Variants in ARHGAP24 observed in about 807,000 individuals in gnomAD.
The protein encoded by ARHGAP24 is Rho GTPase activating protein 24.
A neutral mutation model predicts 76.4 loss-of-function variants in ARHGAP24; 50 were observed. The observed-to-expected ratio is 0.65, with a 90% CI of 0.52 to 0.83. ARHGAP24 has a LOEUF of 0.83. ARHGAP24 is among the 40% of genes least tolerant of loss of function. ARHGAP24 has a pLI of 0.00. For missense variants in ARHGAP24, 930 were observed against 914.2 expected, an observed-to-expected ratio of 1.02 and a Z score of -0.22; for synonymous variants, 345 against 323.3, an observed-to-expected ratio of 1.07 and a Z score of -0.72.
intron 1 of ARHGAP24, among the ~76,000 whole-genome samples, chr4:85,530,973 T>G (rs1725234385): frequency 6.6e-6 from 1 of 152,074 alleles, no homozygotes; most frequent in South Asian, 2.1e-4. Context: ...CTTATGCAGT[T>G]TGATATTATT....
At chr4:85,663,793 T>G (rs1722501087) in intron 2 of ARHGAP24, among the ~76,000 whole-genome samples, 1 of 151,764 alleles carries the variant, frequency 6.6e-6, no homozygotes, top group African/African-American at 2.4e-5. Context: ...GTTTTTGTCT[T>G]TGGTTCTGTT....
intron 2 of ARHGAP24, among the ~76,000 whole-genome samples, chr4:85,587,375 T>C (rs186149515): frequency 4.1e-4 from 63 of 152,322 alleles, no homozygotes; most frequent in African/African-American, 1.5e-3. Flanking sequence ...GTTGCCCCTG[T>C]GCTATAATAG....
At chr4:85,712,453 C>T (rs184029360) in intron 2 of ARHGAP24, among the ~76,000 whole-genome samples, 1 of 152,236 alleles carries the variant, frequency 6.6e-6, no homozygotes, top group Non-Finnish European at 1.5e-5. Context: ...ATTAGTTTCC[C>T]TTGGCTGTTG....
intron 1 of ARHGAP24, among the ~76,000 whole-genome samples, chr4:85,520,238 G>A (rs17010321): frequency 0.12 from 18,403 of 152,048 alleles, 3,131 homozygotes; most frequent in African/African-American, 0.38. Flanking sequence ...GTTGTCAGGG[G>A]GTTTTCAAAT....
chr4:85,793,611 C>T, intron 3 of ARHGAP24, among the ~76,000 whole-genome samples: 1 of 152,088 alleles, frequency 6.6e-6, no homozygotes, highest in East Asian at 1.9e-4. Flanking sequence ...AAAATGATGA[C>T]CCTCATTTTG....
At chr4:85,595,250 A>C (rs1719761801) in intron 2 of ARHGAP24, among the ~76,000 whole-genome samples, 2 of 152,252 alleles carry the variant, frequency 1.3e-5, no homozygotes, top group African/African-American at 4.8e-5. Context: ...CTTTCCATGC[A>C]GAGACCCAGT....
intron 3 of ARHGAP24, among the ~76,000 whole-genome samples, chr4:85,848,378 C>T (rs1432849882): frequency 9.2e-5 from 14 of 152,174 alleles, no homozygotes; most frequent in Admixed American, 9.2e-4. Flanking sequence ...GTTCCCCGCC[C>T]TGTGTCCAAG....
intron 3 of ARHGAP24, among the ~76,000 whole-genome samples, chr4:85,835,232 T>C (rs956128113): frequency 1.3e-5 from 2 of 151,732 alleles, no homozygotes; most frequent in Non-Finnish European, 2.9e-5. Context: ...ATTGCAAACC[T>C]AGTAACTCGC....
rs116229142 is a variant in ARHGAP24 at position 85,512,044 on chromosome 4, G to A, written c.-21+36485G>A. 2.7e-3 allele frequency among the ~76,000 whole-genome samples: 406 copies of A among 152,316 alleles called. 2 individuals carry two copies. The highest frequency in any genetic ancestry group is 9.0e-3 in the African/African-American group (376 of 41,560). ...GCCATTCTACTCCCTTATGGCATCC[G>A]TTTAACTATGTTTGCCACAAACCTG... On this transcript the variant is annotated intron_variant, in intron 1 of 9. Transcript: ENST00000395184.
At chr4:85,850,342 CTTCT>C (rs1209030959) in intron 3 of ARHGAP24, among the ~76,000 whole-genome samples, 1 of 151,954 alleles carries the variant, frequency 6.6e-6, no homozygotes, top group African/African-American at 2.4e-5. Flanking sequence ...TCTCTCTTTT[CTTCT>C]TTATTAGTCT....
chr4:85,481,345 C>T (rs958638484), intron 1 of ARHGAP24, among the ~76,000 whole-genome samples: 2 of 152,182 alleles, frequency 1.3e-5, no homozygotes, highest in African/African-American at 4.8e-5. Flanking sequence ...TCCCTTTCCT[C>T]TCAGTGCTTT....
intron 2 of ARHGAP24, among the ~76,000 whole-genome samples, chr4:85,603,472 A>G (rs1720099220): frequency 6.6e-6 from 1 of 152,232 alleles, no homozygotes; most frequent in South Asian, 2.1e-4. Context: ...GCATCCTTGT[A>G]AAGAAAATTT....
rs780134139 is a variant in ARHGAP24 at position 85,650,433 on chromosome 4, A to G, written c.181-71452A>G. Among the ~76,000 whole-genome samples the G allele has an allele frequency of 5.2e-4, 77 of 149,344 alleles. 3 individuals are homozygous for G. Among genetic ancestry groups the G allele is most frequent in the Non-Finnish European group, 1.0e-3 (68 of 68,000 alleles). ...CCCTAGGTTTATCACTAACCCAATG[A>G]CCTTGGCCAATAATCTTGTCTGAGC... On this transcript the variant is annotated intron_variant, in intron 2 of 9. Coordinates refer to ENST00000395184, the MANE Select transcript of ARHGAP24 (RefSeq NM_001025616.3).
intron 3 of ARHGAP24, among the ~76,000 whole-genome samples, chr4:85,850,085 T>A (rs1265989384): frequency 6.6e-6 from 1 of 152,194 alleles, no homozygotes; most frequent in Non-Finnish European, 1.5e-5. Context: ...TCCTGGACTT[T>A]TTTTGGTTGG....
chr4:85,872,043 A>G (rs993474162), intron 3 of ARHGAP24, among the ~76,000 whole-genome samples: 1 of 151,664 alleles, frequency 6.6e-6, no homozygotes, highest in African/African-American at 2.4e-5. Flanking sequence ...TCACTTATCA[A>G]TGTACCCACA....
intron 3 of ARHGAP24, among the ~76,000 whole-genome samples, chr4:85,895,675 C>A (rs1023187095): frequency 6.6e-6 from 1 of 151,916 alleles, no homozygotes; most frequent in Non-Finnish European, 1.5e-5. Context: ...TTTTTCTGTA[C>A]CCTTTTTGAA....
At chr4:85,743,991 C>A (rs1725931654) in intron 3 of ARHGAP24, among the ~76,000 whole-genome samples, 1 of 151,986 alleles carries the variant, frequency 6.6e-6, no homozygotes, top group African/African-American at 2.4e-5. Context: ...TGGTTGCCAC[C>A]AAGAGCTATG....
chr4:85,696,778 C>CT (rs1273867058), intron 2 of ARHGAP24, among the ~76,000 whole-genome samples: 1 of 152,154 alleles, frequency 6.6e-6, no homozygotes, highest in Non-Finnish European at 1.5e-5. Context: ...TGGGGCAGCA[C>CT]TTTCAACTGA....
rs188379347 is a variant in ARHGAP24 at position 85,652,066 on chromosome 4, T to C, written c.181-69819T>C. On this transcript the variant is annotated intron_variant, in intron 2 of 9. Transcript: ENST00000395184. ...TTTTGTTTGCCTACTTCAACACACA[T>C]ATTTTAGTGTTATAGCAAAGCAAGA... 2.0e-5 allele frequency among the ~76,000 whole-genome samples: 3 copies of C among 152,304 alleles called. No homozygotes were observed. In the East Asian group the frequency reaches 5.8e-4, roughly 29 times the overall value.
Sources: gnomAD v4.1 joint callset for allele counts (sites outside exome capture counted in the v4.1 genomes callset) on GRCh38, gnomAD v4.1.1 for gene constraint, MANE v1.5 for transcripts, NCBI Gene and HGNC (gene_info 2026-07-23, HGNC 2026-07-21) for gene names.